The following C2orf76 variants were observed in gnomAD, a reference collection of about 807,000 sequenced individuals.
C2orf76 encodes the protein chromosome 2 open reading frame 76.
In C2orf76, 23 loss-of-function variants were observed where a neutral mutation model predicts 16.9. The observed-to-expected ratio is 1.36, with a 90% CI of 0.98 to 1.93. The LOEUF (loss-of-function observed/expected upper bound fraction) is 1.93, where lower values mean the gene tolerates loss of function less well. Ranked by LOEUF, C2orf76 falls within the 30% of genes most tolerant of loss-of-function variation. The pLI, the probability that C2orf76 is intolerant of heterozygous loss-of-function variation, is 0.00. For missense variants in C2orf76, 152 were observed against 152.6 expected (o/e 1.00, Z 0.02); for synonymous variants, 48 against 52.3 (o/e 0.92, Z 0.35).
At chr2:119,292,177 A>G in the C2orf76 span, among the ~76,000 whole-genome samples, 1 of 152,176 alleles carries the variant, frequency 6.6e-6, no homozygotes, top group African/African-American at 2.4e-5. Context: ...GGTCACTTTT[A>G]AAACAAGCAA....
intron 5 of C2orf76, among the ~76,000 whole-genome samples, chr2:119,303,129 GAC>G (rs1243212972): frequency 6.6e-6 from 1 of 152,162 alleles, no homozygotes; most frequent in Non-Finnish European, 1.5e-5. Context: ...CAAAGTGAAA[GAC>G]ACAAATTGGC....
At chr2:119,304,638 G>A (rs1678719930) in intron 5 of C2orf76, among the ~76,000 whole-genome samples, 1 of 152,154 alleles carries the variant, frequency 6.6e-6, no homozygotes, top group Admixed American at 6.5e-5. Context: ...ACTTCAGGCT[G>A]ATTTAAAAAA....
intron 5 of C2orf76, among the ~76,000 whole-genome samples, chr2:119,310,376 T>C (rs970645559): frequency 6.6e-6 from 1 of 152,204 alleles, no homozygotes; most frequent in Admixed American, 6.5e-5. Context: ...ACAAGAATAT[T>C]CTAGCAAATA....
At chr2:119,327,152 A>G (rs1337305639) in intron 2 of C2orf76, among the ~76,000 whole-genome samples, 1 of 152,174 alleles carries the variant, frequency 6.6e-6, no homozygotes, top group Non-Finnish European at 1.5e-5. Flanking sequence ...GAAAGCACTC[A>G]GTCTTTCACC....
At chr2:119,296,902 T>C in the C2orf76 span, among the ~76,000 whole-genome samples, 6 of 152,216 alleles carry the variant, frequency 3.9e-5, no homozygotes. Flanking sequence ...TTTCTCCTAG[T>C]GCCCAACTCC....
chr2:119,284,028 T>C, the C2orf76 span, among the ~76,000 whole-genome samples: 1 of 152,136 alleles, frequency 6.6e-6, no homozygotes, highest in Non-Finnish European at 1.5e-5. Context: ...ATCTGGCTTT[T>C]CAACTTGCTC....
upstream of C2orf76, chr2:119,366,869 G>T: frequency 5.2e-6 from 4 of 768,090 alleles, no homozygotes; most frequent in Non-Finnish European, 8.3e-6. Context: ...CTAGCGCCGC[G>T]GCGGGGGCTG....
rs115586454 is a variant in C2orf76 at position 119,358,411 on chromosome 2, C to T, written c.-13+8379G>A. Among the ~76,000 whole-genome samples, 1,503 of 152,004 alleles carry T rather than the reference C, an allele frequency of 9.9e-3. 17 individuals are homozygous for T. The highest frequency in any genetic ancestry group is 0.015 in the Admixed American group (234 of 15,274). ...GACCAACATGGAGGAACCCCTGTCCCTACTAAAAATACAAAAATTAGCTGG... is the reference window on the plus strand; with the variant it reads ...GACCAACATGGAGGAACCCCTGTCCTTACTAAAAATACAAAAATTAGCTGG... On this transcript the variant is annotated intron_variant, in intron 1 of 5. Transcript: ENST00000334816.
downstream of C2orf76, among the ~76,000 whole-genome samples, chr2:119,299,210 A>AC: frequency 6.6e-6 from 1 of 152,186 alleles, no homozygotes; most frequent in East Asian, 1.9e-4. Flanking sequence ...AAGCCAATGC[A>AC]CCCAGCCGCA....
chr2:119,311,535 C>T (rs1678987190), intron 5 of C2orf76, 87 bp downstream of exon 5: 1 of 1,524,274 alleles, frequency 6.6e-7, no homozygotes. Flanking sequence ...CATTTACTTT[C>T]CAGTGAGTTA....
At chr2:119,283,944 T>A in the C2orf76 span, among the ~76,000 whole-genome samples, 1 of 152,170 alleles carries the variant, frequency 6.6e-6, no homozygotes, top group Non-Finnish European at 1.5e-5. Flanking sequence ...GCAAGTCCCA[T>A]GCAACTGTGT....
At chr2:119,284,353 G>A in the C2orf76 span, among the ~76,000 whole-genome samples, 278 of 152,180 alleles carry the variant, frequency 1.8e-3, 3 homozygotes, top group African/African-American at 6.2e-3. Context: ...CTAATTTTGC[G>A]GATGATGAAA....
chr2:119,297,070 A>AT, the C2orf76 span, among the ~76,000 whole-genome samples: 1 of 152,196 alleles, frequency 6.6e-6, no homozygotes. Context: ...CACTCTCACA[A>AT]TAAGTACCCG....
At chr2:119,363,078 T>C (rs1680795012) in intron 1 of C2orf76, among the ~76,000 whole-genome samples, 2 of 147,596 alleles carry the variant, frequency 1.4e-5, no homozygotes, top group Admixed American at 1.3e-4. Context: ...ACTCCACCCA[T>C]ACCTCCCCAA....
At chr2:119,288,537 G>A in the C2orf76 span, among the ~76,000 whole-genome samples, 1 of 152,000 alleles carries the variant, frequency 6.6e-6, no homozygotes, top group Non-Finnish European at 1.5e-5. Context: ...ATTAAGATGG[G>A]AGTAAGGGGA....
At chr2:119,335,016 A>C (rs900332175) in intron 2 of C2orf76, among the ~76,000 whole-genome samples, 2 of 152,210 alleles carry the variant, frequency 1.3e-5, no homozygotes, top group Non-Finnish European at 2.9e-5. Flanking sequence ...CACGTTTCTC[A>C]CTGTTGGTAT....
At chr2:119,300,143 C>T (rs1678594504), downstream of C2orf76, among the ~76,000 whole-genome samples, 2 of 152,158 alleles carry the variant, frequency 1.3e-5, 1 homozygote, top group African/African-American at 4.8e-5. Flanking sequence ...CTCTGGGCCC[C>T]AATTTCTTCA....
chr2:119,297,227 C>G (rs911720785), downstream of C2orf76, among the ~76,000 whole-genome samples: 3 of 152,198 alleles, frequency 2.0e-5, no homozygotes, highest in African/African-American at 7.2e-5. Context: ...CCTCAGAGCT[C>G]TAGCACAGTC....
chr2:119,340,133 A>G (rs1052058966), intron 1 of C2orf76, 162 bp from the exon 2 acceptor site: 3 of 682,608 alleles, frequency 4.4e-6, no homozygotes, highest in African/African-American at 1.8e-5. Flanking sequence ...CAGAGTCCCC[A>G]GAAGGGTCCC....
Sources: gnomAD v4.1 joint callset for allele counts (sites outside exome capture counted in the v4.1 genomes callset) on GRCh38, gnomAD v4.1.1 for gene constraint, MANE v1.5 for transcripts, NCBI Gene and HGNC (gene_info 2026-07-23, HGNC 2026-07-21) for gene names.